LRMDA: variants seen among roughly 807,000 people sequenced by gnomAD.
The protein encoded by LRMDA is leucine rich melanocyte differentiation associated, also known as leucine-rich melanocyte differentiation-associated protein.
In LRMDA, 18 loss-of-function variants were observed where a neutral mutation model predicts 29.8. The observed-to-expected ratio is 0.60, with a 90% CI of 0.42 to 0.90. The LOEUF (loss-of-function observed/expected upper bound fraction) is 0.90, where lower values mean the gene tolerates loss of function less well. LRMDA is among the 40% of genes least tolerant of loss of function. The pLI, the probability that LRMDA is intolerant of heterozygous loss-of-function variation, is 0.00. For missense variants in LRMDA, 273 were observed against 273.9 expected, an observed-to-expected ratio of 1.00 and a Z score of 0.02; for synonymous variants, 125 against 109.4, an observed-to-expected ratio of 1.14 and a Z score of -0.89.
chr10:76,104,750 G>A (rs549640055), intron 5 of LRMDA, among the ~76,000 whole-genome samples: 2 of 152,114 alleles, frequency 1.3e-5, no homozygotes, highest in East Asian at 3.9e-4. Flanking sequence ...ATAGATGAGT[G>A]GATGGATGAG....
intron 6 of LRMDA, among the ~76,000 whole-genome samples, chr10:76,555,886 C>T: frequency 6.6e-6 from 1 of 151,526 alleles, no homozygotes; most frequent in East Asian, 1.9e-4. Context: ...TATTGAATGA[C>T]TGTCTTATGG....
intron 5 of LRMDA, among the ~76,000 whole-genome samples, chr10:76,285,641 T>G (rs1042867124): frequency 6.6e-6 from 1 of 152,084 alleles, no homozygotes; most frequent in Admixed American, 6.6e-5. Flanking sequence ...TGGAGACTTA[T>G]AGGCATAGTC....
chr10:75,671,927 T>C (rs1841896020), intron 2 of LRMDA, among the ~76,000 whole-genome samples: 1 of 152,206 alleles, frequency 6.6e-6, no homozygotes, highest in African/African-American at 2.4e-5. Flanking sequence ...AATGGTTTTT[T>C]AAACAGGATT....
chr10:75,591,610 A>T (rs1378977904), intron 2 of LRMDA, among the ~76,000 whole-genome samples: 1 of 152,224 alleles, frequency 6.6e-6, no homozygotes, highest in East Asian at 1.9e-4. Context: ...TGGAGATGTG[A>T]GAATAAAGAT....
chr10:76,411,295 T>C (rs531739040), intron 6 of LRMDA, among the ~76,000 whole-genome samples: 1 of 152,312 alleles, frequency 6.6e-6, no homozygotes, highest in Admixed American at 6.5e-5. Context: ...TGAGGATGGC[T>C]CTCCATAGTA....
At chr10:75,610,996 AGCAT>A (rs1315982393) in intron 2 of LRMDA, among the ~76,000 whole-genome samples, 2 of 152,160 alleles carry the variant, frequency 1.3e-5, no homozygotes, top group Non-Finnish European at 2.9e-5. Context: ...CTTGGGTGAC[AGCAT>A]GCCTCTACTC....
chr10:76,221,516 CA>C (rs1183118812), intron 5 of LRMDA, among the ~76,000 whole-genome samples: 2 of 152,196 alleles, frequency 1.3e-5, no homozygotes, highest in East Asian at 3.8e-4. Context: ...CTCCCATTCA[CA>C]ATTGTTTCAA....
intron 2 of LRMDA, among the ~76,000 whole-genome samples, chr10:75,869,952 C>T (rs1845081044): frequency 6.6e-6 from 1 of 152,188 alleles, no homozygotes; most frequent in African/African-American, 2.4e-5. Context: ...CATCCTTGAT[C>T]CTAACTGTCC....
chr10:75,552,780 ATTTCT>A (rs1169608821), intron 2 of LRMDA, among the ~76,000 whole-genome samples: 1 of 149,234 alleles, frequency 6.7e-6, no homozygotes, highest in African/African-American at 2.5e-5. Context: ...ATTTTGGATC[ATTTCT>A]ACTCACCTAT....
At chr10:76,043,541 C>T (rs1848375496) in intron 3 of LRMDA, among the ~76,000 whole-genome samples, 1 of 135,540 alleles carries the variant, frequency 7.4e-6, no homozygotes, top group South Asian at 2.3e-4. Context: ...AAATTACCTA[C>T]TTTTTCAAAT....
At chr10:75,792,456 G>A (rs1163951165) in intron 2 of LRMDA, among the ~76,000 whole-genome samples, 3 of 152,122 alleles carry the variant, frequency 2.0e-5, no homozygotes, top group Admixed American at 2.0e-4. Context: ...GTAGAGATGG[G>A]GTTTCACCAT....
At chr10:76,177,409 A>AC (rs1554853138) in intron 5 of LRMDA, among the ~76,000 whole-genome samples, 1,688 of 151,924 alleles carry the variant, frequency 0.011, 27 homozygotes, top group African/African-American at 0.037. Flanking sequence ...GACAAAAAAA[A>AC]AACAACAAAA....
At chr10:75,448,832 A>G (rs1844423875) in intron 2 of LRMDA, among the ~76,000 whole-genome samples, 1 of 152,216 alleles carries the variant, frequency 6.6e-6, no homozygotes, top group African/African-American at 2.4e-5. Flanking sequence ...GAGTCCAGGG[A>G]CAGAGAGTCA....
At chr10:75,702,023 A>G (rs1048261430) in intron 2 of LRMDA, among the ~76,000 whole-genome samples, 3 of 152,160 alleles carry the variant, frequency 2.0e-5, no homozygotes, top group Admixed American at 2.0e-4. Context: ...GCCCTTGCAC[A>G]TGCCATTCCC....
At chr10:76,020,079 G>A (rs1162066892) in intron 2 of LRMDA, among the ~76,000 whole-genome samples, 1 of 152,202 alleles carries the variant, frequency 6.6e-6, no homozygotes, top group East Asian at 1.9e-4. Flanking sequence ...CCTGAGTAGT[G>A]TTTTCCTGGA....
chr10:75,875,109 C>G (rs912150412), intron 2 of LRMDA, among the ~76,000 whole-genome samples: 2 of 152,234 alleles, frequency 1.3e-5, no homozygotes, highest in African/African-American at 4.8e-5. Flanking sequence ...CCAGTATTCC[C>G]TTTACCATGG....
intron 4 of LRMDA, among the ~76,000 whole-genome samples, chr10:76,052,569 G>GA (rs981808843): frequency 6.6e-6 from 1 of 151,302 alleles, no homozygotes; most frequent in African/African-American, 2.4e-5. Context: ...TGGAAAGAAA[G>GA]AAAAAAAAGG....
intron 2 of LRMDA, among the ~76,000 whole-genome samples, chr10:75,508,441 TAGTC>T (rs2132030623): frequency 6.6e-6 from 1 of 152,328 alleles, no homozygotes; most frequent in Non-Finnish European, 1.5e-5. Flanking sequence ...GCCAGTTTCT[TAGTC>T]AGCTCTAACT....
At chr10:76,044,916 C>T (rs529355084) in intron 3 of LRMDA, among the ~76,000 whole-genome samples, 1 of 152,268 alleles carries the variant, frequency 6.6e-6, no homozygotes, top group African/African-American at 2.4e-5. Flanking sequence ...GTTTCCCTCT[C>T]TTGCTAGTTT....
Sources: allele counts gnomAD v4.1 joint callset (sites outside exome capture counted in the v4.1 genomes callset), GRCh38; gene constraint gnomAD v4.1.1; transcripts MANE v1.5; gene names NCBI Gene and HGNC (gene_info 2026-07-23, HGNC 2026-07-21).